Variants in KSR2 observed in about 807,000 individuals in gnomAD.
The protein encoded by KSR2 is kinase suppressor of ras 2.
Under a neutral mutation model 107.8 loss-of-function variants are expected in KSR2, and 25 were observed. The ratio of observed to expected loss-of-function variants is 0.23; its 90% confidence interval spans 0.17 to 0.32. KSR2 has a LOEUF of 0.32. KSR2 is among the 10% of genes least tolerant of loss of function. KSR2 has a pLI of 1.00. For missense variants in KSR2, 887 were observed against 1,268.9 expected, an observed-to-expected ratio of 0.70 and a Z score of 4.57; for synonymous variants, 480 against 507.0, an observed-to-expected ratio of 0.95 and a Z score of 0.71.
chr12:117,960,887 C>T (rs909048867), intron 1 of KSR2, among the ~76,000 whole-genome samples: 3 of 151,404 alleles, frequency 2.0e-5, no homozygotes, highest in African/African-American at 7.3e-5. Flanking sequence ...GCAACCTCTG[C>T]CTTCCAGTCT....
chr12:117,837,112 T>G (rs896290926), intron 3 of KSR2, among the ~76,000 whole-genome samples: 2 of 152,012 alleles, frequency 1.3e-5, no homozygotes, highest in African/African-American at 4.8e-5. Context: ...CCCGTCGGAG[T>G]AGGCTGCTCT....
At chr12:117,894,886 TTTC>T (rs1894462856) in intron 1 of KSR2, among the ~76,000 whole-genome samples, 1 of 151,830 alleles carries the variant, frequency 6.6e-6, no homozygotes, top group African/African-American at 2.4e-5. Context: ...TTAAACCTCT[TTTC>T]TTCACAAATA....
At chr12:117,865,169 G>A (rs1332818717) in intron 1 of KSR2, among the ~76,000 whole-genome samples, 1 of 152,104 alleles carries the variant, frequency 6.6e-6, no homozygotes, top group Non-Finnish European at 1.5e-5. Context: ...TATCTAGTTT[G>A]TTTAAAGTAC....
At position 117,591,065 on chromosome 12, in the gene KSR2, G is replaced by A. The variant is rs554407900; in HGVS notation, c.1172-8706C>T. Among the ~76,000 whole-genome samples the A allele has an allele frequency of 1.6e-4, 24 of 152,170 alleles. No homozygotes were observed. The East Asian group carries it at 3.5e-3, about 22-fold the overall frequency. The stretch of plus-strand genomic sequence containing the variant: ...TGTGAGGTGCATTGTTTTGATCCCC[G>A]TTTTGCAGAAGAGAAGAGCCAGAAA... On this transcript the variant is annotated intron_variant, in intron 5 of 19. Transcript: ENST00000339824.
chr12:117,853,136 T>C (rs1171309773), intron 3 of KSR2, among the ~76,000 whole-genome samples: 1 of 152,056 alleles, frequency 6.6e-6, no homozygotes, highest in Non-Finnish European at 1.5e-5. Flanking sequence ...AAGACCCCTC[T>C]CCTATGAATT....
chr12:117,548,167 GCCCT>G (rs1450984517), intron 9 of KSR2, among the ~76,000 whole-genome samples: 1 of 151,348 alleles, frequency 6.6e-6, no homozygotes, highest in Admixed American at 6.6e-5. Context: ...CCTCCTTCTT[GCCCT>G]CTTTCAGAGT....
chr12:117,620,620 T>C (rs973936053), intron 5 of KSR2, among the ~76,000 whole-genome samples: 1 of 152,206 alleles, frequency 6.6e-6, no homozygotes, highest in Non-Finnish European at 1.5e-5. Context: ...ATCTGTGCCC[T>C]GATAGAGATG....
intron 4 of KSR2, among the ~76,000 whole-genome samples, chr12:117,743,911 CA>C (rs768550029): frequency 6.6e-6 from 1 of 152,176 alleles, no homozygotes; most frequent in Non-Finnish European, 1.5e-5. Flanking sequence ...GCCTGGCCTC[CA>C]GATTCCAAGC....
intron 3 of KSR2, among the ~76,000 whole-genome samples, chr12:117,817,020 C>T (rs1891395293): frequency 6.6e-6 from 1 of 152,038 alleles, no homozygotes; most frequent in Non-Finnish European, 1.5e-5. Flanking sequence ...TCCAAGGAAA[C>T]CAATGGAAAG....
intron 9 of KSR2, among the ~76,000 whole-genome samples, chr12:117,548,950 C>G (rs183121265): frequency 7.2e-5 from 11 of 152,162 alleles, no homozygotes; most frequent in Non-Finnish European, 1.5e-4. Flanking sequence ...GATCTCAGAC[C>G]CTGTGTGGAA....
chr12:117,908,066 C>T (rs541495797), intron 1 of KSR2, among the ~76,000 whole-genome samples: 14 of 152,124 alleles, frequency 9.2e-5, no homozygotes, highest in East Asian at 1.9e-4. Flanking sequence ...TGATTGACAG[C>T]GATCAATATA....
At chr12:117,874,083 C>G (rs1292045488) in intron 1 of KSR2, among the ~76,000 whole-genome samples, 1 of 152,174 alleles carries the variant, frequency 6.6e-6, no homozygotes, top group Non-Finnish European at 1.5e-5. Flanking sequence ...AAAGCTGATT[C>G]TTTCTTTACC....
At chr12:117,764,993 A>G (rs927344279) in intron 3 of KSR2, among the ~76,000 whole-genome samples, 1 of 152,218 alleles carries the variant, frequency 6.6e-6, no homozygotes, top group South Asian at 2.1e-4. Context: ...TGTAATTCTC[A>G]ACACTGTGGT....
intron 9 of KSR2, among the ~76,000 whole-genome samples, chr12:117,542,307 A>G (rs1876555718): frequency 6.6e-6 from 1 of 152,198 alleles, no homozygotes; most frequent in Non-Finnish European, 1.5e-5. Flanking sequence ...TGTCATCAAT[A>G]AATGGTAGTA....
rs3072240 is a variant in KSR2, at chr12:117,586,660, A to AG, written c.1172-4302_1172-4301insC. Among the ~76,000 whole-genome samples, 28 of 151,886 alleles carry AG rather than the reference A, an allele frequency of 1.8e-4. No homozygotes were observed. The East Asian group carries it at 2.3e-3, about 13-fold the overall frequency. On this transcript the variant is annotated intron_variant, in intron 5 of 19. Transcript: ENST00000339824. ...AAGAAAGAAAGAAAGAAAGAAAGAAAAATATAGTAAATCTGCTGTCTGCTG... is the reference window on the plus strand; with the variant it reads ...AAGAAAGAAAGAAAGAAAGAAAGAAAGAATATAGTAAATCTGCTGTCTGCTG...
chr12:117,472,527 T>A (rs981093352), intron 17 of KSR2, among the ~76,000 whole-genome samples: 7 of 152,134 alleles, frequency 4.6e-5, no homozygotes, highest in African/African-American at 1.7e-4. Flanking sequence ...ACTCTAAGAT[T>A]TCATGTAAGT....
chr12:117,493,637 G>A (rs1872865035), intron 14 of KSR2, among the ~76,000 whole-genome samples: 1 of 152,156 alleles, frequency 6.6e-6, no homozygotes, highest in South Asian at 2.1e-4. Context: ...GGTGTTGCCT[G>A]GAGCCTATGA....
chr12:117,806,889 C>T (rs867154733), intron 3 of KSR2, among the ~76,000 whole-genome samples: 98 of 152,178 alleles, frequency 6.4e-4, no homozygotes, highest in African/African-American at 2.0e-3. Context: ...TGAACCGAAT[C>T]GAAACTCCAA....
Position 117,798,814 on chromosome 12 carries a change from C to T in KSR2, c.473-37290G>A, listed in dbSNP as rs1253643102. Among the ~76,000 whole-genome samples, 3 of 151,700 alleles carry T rather than the reference C, an allele frequency of 2.0e-5. No homozygotes were observed. In the East Asian group the frequency reaches 5.8e-4, roughly 29 times the overall value. On this transcript the variant is annotated intron_variant, in intron 3 of 19. Coordinates refer to ENST00000339824, the MANE Select transcript of KSR2 (RefSeq NM_173598.6). Reference sequence around the variant, plus strand: ...TTCATAGAATAATTATTCACAACAGCCCAAAAGAAGAAACAACCCCAGTGT... The same window carrying T: ...TTCATAGAATAATTATTCACAACAGTCCAAAAGAAGAAACAACCCCAGTGT...
Sources: gnomAD v4.1 joint callset for allele counts (sites outside exome capture counted in the v4.1 genomes callset) on GRCh38, gnomAD v4.1.1 for gene constraint, MANE v1.5 for transcripts, NCBI Gene and HGNC (gene_info 2026-07-23, HGNC 2026-07-21) for gene names.